Variants in LINGO2 observed in about 807,000 individuals in gnomAD.
LINGO2 encodes leucine rich repeat and Ig domain containing 2, also known as leucine-rich repeat and immunoglobulin-like domain-containing nogo receptor-interacting protein 2.
LINGO2 carries 14 observed loss-of-function variants against 30.6 expected under a neutral mutation model. The observed-to-expected ratio is 0.46, with a 90% CI of 0.30 to 0.72. The LOEUF (loss-of-function observed/expected upper bound fraction) is 0.72, where lower values mean the gene tolerates loss of function less well. Ranked by LOEUF, LINGO2 falls within the 30% of genes least tolerant of loss-of-function variation. The probability of loss-of-function intolerance (pLI) is 0.07; values close to 1 mark genes in which losing one functional copy is unlikely to be tolerated. For synonymous variants in LINGO2, 317 were observed against 288.5 expected (o/e 1.10, Z -1.00); for missense variants, 729 against 751.7 (o/e 0.97, Z 0.35).
chr9:28,849,938 CGTT>C, the LINGO2 span, among the ~76,000 whole-genome samples: 1 of 151,944 alleles, frequency 6.6e-6, no homozygotes, highest in Non-Finnish European at 1.5e-5. Flanking sequence ...TAGGGTGAGA[CGTT>C]GTATATTTTG....
the LINGO2 span, among the ~76,000 whole-genome samples, chr9:29,004,152 T>C: frequency 6.6e-6 from 1 of 151,988 alleles, no homozygotes; most frequent in Admixed American, 6.6e-5. Context: ...TCCATGAATA[T>C]GTTAGGTCTA....
At chr9:28,604,926 GGT>G in intron 1 of LINGO2, among the ~76,000 whole-genome samples, 1 of 152,030 alleles carries the variant, frequency 6.6e-6, no homozygotes, top group Non-Finnish European at 1.5e-5. Flanking sequence ...CAAACATGCA[GGT>G]AAGCACTATT....
chr9:28,587,981 T>C (rs1254936876), intron 1 of LINGO2, among the ~76,000 whole-genome samples: 1 of 152,020 alleles, frequency 6.6e-6, no homozygotes, highest in Non-Finnish European at 1.5e-5. Context: ...GCTGGCCACG[T>C]ATCCATGGAC....
intron 4 of LINGO2, among the ~76,000 whole-genome samples, chr9:28,099,430 C>T (rs1587846040): frequency 2.6e-5 from 4 of 152,132 alleles, no homozygotes; most frequent in Admixed American, 6.6e-5. Flanking sequence ...TTAAATACCA[C>T]GTGGACAAGT....
At chr9:28,590,025 G>A (rs1412097879) in intron 1 of LINGO2, among the ~76,000 whole-genome samples, 1 of 152,060 alleles carries the variant, frequency 6.6e-6, no homozygotes, top group Non-Finnish European at 1.5e-5. Flanking sequence ...TCTGATCTTT[G>A]ACAAACCTGA....
chr9:28,305,792 G>A (rs1399353468), intron 3 of LINGO2, among the ~76,000 whole-genome samples: 1 of 151,844 alleles, frequency 6.6e-6, no homozygotes, highest in Non-Finnish European at 1.5e-5. Context: ...AACAATAATG[G>A]GTTTTCTAAC....
the LINGO2 span, among the ~76,000 whole-genome samples, chr9:28,877,846 A>T: frequency 6.6e-6 from 1 of 152,186 alleles, no homozygotes; most frequent in Admixed American, 6.5e-5. Context: ...CTTGGGCAGT[A>T]TGGCCATTTT....
At chr9:27,978,923 C>T (rs1343770995) in intron 5 of LINGO2, among the ~76,000 whole-genome samples, 2 of 152,018 alleles carry the variant, frequency 1.3e-5, no homozygotes, top group Non-Finnish European at 2.9e-5. Flanking sequence ...AAGCACTTTA[C>T]ATATATTGTC....
At chr9:28,403,856 C>T (rs548294978) in intron 2 of LINGO2, among the ~76,000 whole-genome samples, 26 of 152,182 alleles carry the variant, frequency 1.7e-4, no homozygotes, top group Admixed American at 4.6e-4. Context: ...CAGTTATTTG[C>T]ACATGGAATA....
chr9:28,896,795 G>T, the LINGO2 span, among the ~76,000 whole-genome samples: 2 of 151,888 alleles, frequency 1.3e-5, no homozygotes, highest in African/African-American at 4.8e-5. Context: ...TAATAATTTA[G>T]GGATTTAAGC....
intron 1 of LINGO2, among the ~76,000 whole-genome samples, chr9:28,608,027 A>T (rs2135772655): frequency 6.6e-6 from 1 of 152,190 alleles, no homozygotes. Context: ...ATATGTTTCC[A>T]ATTTATGATC....
At chr9:28,778,469 A>G in the LINGO2 span, among the ~76,000 whole-genome samples, 4 of 152,174 alleles carry the variant, frequency 2.6e-5, no homozygotes, top group Admixed American at 2.6e-4. Flanking sequence ...CTACAAATGC[A>G]TCAACACTAT....
chr9:28,585,403 G>A (rs1563843328), intron 1 of LINGO2, among the ~76,000 whole-genome samples: 1 of 151,956 alleles, frequency 6.6e-6, no homozygotes, highest in Non-Finnish European at 1.5e-5. Flanking sequence ...AATTATTAGG[G>A]AAGATTATTA....
At chr9:28,923,186 ATTC>A in the LINGO2 span, among the ~76,000 whole-genome samples, 1 of 152,172 alleles carries the variant, frequency 6.6e-6, no homozygotes, top group Non-Finnish European at 1.5e-5. Context: ...CAGGAAAACT[ATTC>A]TTTATCTTAT....
intron 5 of LINGO2, among the ~76,000 whole-genome samples, chr9:27,977,764 G>A (rs10968246): frequency 0.36 from 53,581 of 150,728 alleles, 9,697 homozygotes; most frequent in East Asian, 0.51. Context: ...ACAACCTCAC[G>A]TTGGCAAAAT....
At chr9:27,990,061 T>C (rs980671974) in intron 5 of LINGO2, among the ~76,000 whole-genome samples, 2 of 152,056 alleles carry the variant, frequency 1.3e-5, no homozygotes, top group Non-Finnish European at 2.9e-5. Context: ...ATCATTCCTT[T>C]GAATGAATTG....
the LINGO2 span, among the ~76,000 whole-genome samples, chr9:28,862,324 C>T: frequency 2.0e-5 from 3 of 151,810 alleles, no homozygotes; most frequent in Admixed American, 2.0e-4. Flanking sequence ...ATAAGAATAA[C>T]ATGTTTGTAT....
At chr9:28,568,587 G>A (rs556472210) in intron 1 of LINGO2, among the ~76,000 whole-genome samples, 12 of 151,924 alleles carry the variant, frequency 7.9e-5, no homozygotes, top group African/African-American at 9.6e-5. Context: ...AATTTTAAAA[G>A]CAGCAAGAGA....
At chr9:27,983,719 C>T (rs964701538) in intron 5 of LINGO2, among the ~76,000 whole-genome samples, 6 of 151,886 alleles carry the variant, frequency 4.0e-5, no homozygotes, top group Non-Finnish European at 7.4e-5. Flanking sequence ...GAGAATAAAA[C>T]TTCAAACTTC....
Sources: gnomAD v4.1 joint callset for allele counts (sites outside exome capture counted in the v4.1 genomes callset) on GRCh38, gnomAD v4.1.1 for gene constraint, MANE v1.5 for transcripts, NCBI Gene and HGNC (gene_info 2026-07-23, HGNC 2026-07-21) for gene names.